Variants in KLF12 observed in about 807,000 individuals in gnomAD.
KLF12 encodes the protein Krueppel-like factor 12.
A neutral mutation model predicts 37.8 loss-of-function variants in KLF12; 9 were observed. The observed-to-expected ratio is 0.24, with a 90% CI of 0.14 to 0.42. KLF12 has a LOEUF of 0.42. Among genes scored for constraint, KLF12 ranks in the 10% least tolerant of loss-of-function variants. The probability of loss-of-function intolerance (pLI) is 1.00; values close to 1 mark genes in which losing one functional copy is unlikely to be tolerated. For missense variants in KLF12, 411 were observed against 516.0 expected (o/e 0.80, Z 1.97); for synonymous variants, 208 against 202.1 (o/e 1.03, Z -0.25).
intron 2 of KLF12, among the ~76,000 whole-genome samples, chr13:73,952,542 A>T (rs1257739101): frequency 6.6e-6 from 1 of 152,122 alleles, no homozygotes; most frequent in Non-Finnish European, 1.5e-5. Context: ...TTGACATGAG[A>T]TTTGAGTGGA....
intron 1 of KLF12, among the ~76,000 whole-genome samples, chr13:74,030,592 G>GC (rs1893089528): frequency 2.0e-5 from 3 of 151,740 alleles, no homozygotes; most frequent in Admixed American, 1.3e-4. Flanking sequence ...TCTCATTTTG[G>GC]CCCCCATCCA....
chr13:73,728,295 G>C (rs1193420930), intron 6 of KLF12, among the ~76,000 whole-genome samples: 1 of 152,120 alleles, frequency 6.6e-6, no homozygotes, highest in Non-Finnish European at 1.5e-5. Flanking sequence ...ATGAATGTTT[G>C]TTTATTCATC....
chr13:74,134,569 C>T (rs1432259039), upstream of KLF12, among the ~76,000 whole-genome samples: 1 of 151,740 alleles, frequency 6.6e-6, no homozygotes, highest in Non-Finnish European at 1.5e-5. Flanking sequence ...CCTCCGGCCC[C>T]GGGCCTCGGC....
At chr13:74,226,369 G>T in the KLF12 span, among the ~76,000 whole-genome samples, 1 of 152,130 alleles carries the variant, frequency 6.6e-6, no homozygotes, top group Non-Finnish European at 1.5e-5. Context: ...TTTCTGGCTT[G>T]GGAGACTGAA....
At chr13:73,776,784 G>T (rs1880635147) in intron 5 of KLF12, among the ~76,000 whole-genome samples, 1 of 152,012 alleles carries the variant, frequency 6.6e-6, no homozygotes, top group Non-Finnish European at 1.5e-5. Context: ...GGTTATTTTT[G>T]GTATGAATCA....
At position 73,726,650 on chromosome 13, in the gene KLF12, G is replaced by A. The variant is rs183473983; in HGVS notation, c.870-11125C>T. ...TCAAATAATATTCCATTTATGGATA[G>A]ATCACATTTACTTTATGGACATCAC... On this transcript the variant is annotated intron_variant, in intron 6 of 7. Coordinates refer to ENST00000377669, the MANE Select transcript of KLF12 (RefSeq NM_007249.5). Among the ~76,000 whole-genome samples the A allele has an allele frequency of 2.8e-4, 42 of 152,328 alleles. No individual in the cohort carries two copies. In the East Asian group the frequency reaches 6.4e-3, roughly 23 times the overall value.
At chr13:73,738,458 A>C (rs1466782512) in intron 6 of KLF12, among the ~76,000 whole-genome samples, 1 of 151,904 alleles carries the variant, frequency 6.6e-6, no homozygotes, top group Non-Finnish European at 1.5e-5. Flanking sequence ...GGCCCATCAC[A>C]TATTTTTAAG....
chr13:74,235,964 C>A, the KLF12 span, among the ~76,000 whole-genome samples: 1 of 145,830 alleles, frequency 6.9e-6, no homozygotes, highest in Non-Finnish European at 1.5e-5. Context: ...TTTTATTATA[C>A]TTTAAGTTTT....
At chr13:74,120,544 G>A (rs1044200966) in intron 1 of KLF12, among the ~76,000 whole-genome samples, 3 of 151,802 alleles carry the variant, frequency 2.0e-5, no homozygotes, top group African/African-American at 7.3e-5. Flanking sequence ...AAATTAATAT[G>A]ATACTATATA....
intron 1 of KLF12, among the ~76,000 whole-genome samples, chr13:74,018,308 G>A (rs1251195645): frequency 6.6e-6 from 1 of 152,202 alleles, no homozygotes; most frequent in Non-Finnish European, 1.5e-5. Context: ...AGAAGCTGGA[G>A]TAGTTGGGGA....
At chr13:73,990,329 T>C (rs963538247) in intron 2 of KLF12, among the ~76,000 whole-genome samples, 2 of 152,038 alleles carry the variant, frequency 1.3e-5, no homozygotes, top group Non-Finnish European at 2.9e-5. Context: ...AGTAAAACAA[T>C]TGATGAAGTT....
At chr13:74,002,725 TGAA>T (rs371872772) in intron 1 of KLF12, among the ~76,000 whole-genome samples, 51 of 152,282 alleles carry the variant, frequency 3.3e-4, no homozygotes, top group African/African-American at 1.2e-3. Flanking sequence ...ATACTAAAAT[TGAA>T]GAAGGTCAAC....
intron 1 of KLF12, among the ~76,000 whole-genome samples, chr13:74,072,763 C>T (rs185812694): frequency 4.6e-5 from 7 of 152,226 alleles, no homozygotes; most frequent in Non-Finnish European, 8.8e-5. Context: ...ACAATGACTA[C>T]AATGTAAGCT....
intron 2 of KLF12, among the ~76,000 whole-genome samples, chr13:73,974,438 G>A (rs559296969): frequency 7.9e-5 from 12 of 152,156 alleles, no homozygotes; most frequent in East Asian, 1.9e-4. Flanking sequence ...AAGGAGCATC[G>A]TCTACAGATT....
the KLF12 span, among the ~76,000 whole-genome samples, chr13:74,290,631 T>C: frequency 6.6e-6 from 1 of 152,234 alleles, no homozygotes; most frequent in African/African-American, 2.4e-5. Flanking sequence ...TGACAATGTG[T>C]TCCGTGAATC....
At chr13:74,254,252 A>C in the KLF12 span, among the ~76,000 whole-genome samples, 1 of 152,180 alleles carries the variant, frequency 6.6e-6, no homozygotes, top group Non-Finnish European at 1.5e-5. Context: ...GTACCAATTA[A>C]CTAGGATAAA....
chr13:73,855,026 G>GT (rs956440063), intron 3 of KLF12, among the ~76,000 whole-genome samples: 1 of 152,176 alleles, frequency 6.6e-6, no homozygotes, highest in African/African-American at 2.4e-5. Context: ...GCTGCAATGG[G>GT]TAAGTGTCAC....
In KLF12 at chr13:73,690,142, G is replaced by A. The variant is rs560175912; in HGVS notation, c.*5348C>T. The A allele has an allele frequency of 1.3e-5, 2 of 152,514 alleles. No individual in the cohort carries two copies. The highest frequency in any genetic ancestry group is 4.8e-5 in the African/African-American group (2 of 41,424). 9.4% of individuals were successfully genotyped at this position (152,514 alleles called of 1,614,324 possible). A position where few individuals can be genotyped will look rare whatever the true frequency, so the allele number is the denominator to read the frequency against. ...ACTCTCTCTGTGTGTATGTGTGTGT[G>A]TGTTCACATGTGCAGGAAAAAACCC... On this transcript the variant is annotated 3_prime_UTR_variant, in exon 8 of 8. Coordinates refer to ENST00000377669, the MANE Select transcript of KLF12 (RefSeq NM_007249.5).
the KLF12 span, among the ~76,000 whole-genome samples, chr13:74,187,699 A>C: frequency 6.6e-6 from 1 of 152,134 alleles, no homozygotes; most frequent in African/African-American, 2.4e-5. Context: ...GGGGCCAGAG[A>C]GGTTGTATAA....
Sources: gnomAD v4.1 joint callset for allele counts (sites outside exome capture counted in the v4.1 genomes callset) on GRCh38, gnomAD v4.1.1 for gene constraint, MANE v1.5 for transcripts, NCBI Gene and HGNC (gene_info 2026-07-23, HGNC 2026-07-21) for gene names.